DGKA: variants seen among roughly 807,000 people sequenced by gnomAD.
The protein encoded by DGKA is 80 kDa diacylglycerol kinase.
DGKA carries 35 observed loss-of-function variants against 105.0 expected under a neutral mutation model. The observed-to-expected ratio is 0.33, with a 90% CI of 0.25 to 0.44. The LOEUF (loss-of-function observed/expected upper bound fraction) is 0.44, where lower values mean the gene tolerates loss of function less well. Ranked by LOEUF, DGKA falls within the 20% of genes least tolerant of loss-of-function variation. The pLI is 1.00. For synonymous variants in DGKA, 296 were observed against 332.0 expected, an observed-to-expected ratio of 0.89 and a Z score of 1.18; for missense variants, 665 against 915.0, an observed-to-expected ratio of 0.73 and a Z score of 3.53.
rs1886122138 is a variant in DGKA at position 55,942,038 on chromosome 12, G to T, written c.1291G>T (p.Val431Leu). The change falls in exon 16 of 24, where the codon GTG (valine) becomes TTG (leucine). Residue 431 changes from valine to leucine, a missense_variant. Val to Leu is a conservative substitution (Grantham distance 32, BLOSUM62 1). Transcript: ENST00000331886. ...FKDVPDSRIL[V>L]CGGDGTVGWI... The stretch of plus-strand genomic sequence containing the variant: ...GGATGTTCCTGATAGCCGGATTTTG[G>T]TGTGTGGTGGAGACGGCACAGTAGG... 1 of 1,614,050 alleles carries T rather than the reference G, an allele frequency of 6.2e-7. No homozygotes were observed. Among genetic ancestry groups the T allele is most frequent in the African/African-American group, 1.3e-5 (1 of 74,900 alleles).
chr12:55,942,280 T>G lies in DGKA; in HGVS notation c.1426+17T>G. ...GGGGAGGAGGTAAGTGGTTAGAAAT[T>G]GTTTTGCTGTAGGCTGAGAGGAGTT... is the stretch of plus-strand genomic sequence containing the variant. On this transcript the variant is annotated intron_variant, in intron 17 of 23. Coordinates refer to ENST00000331886, the MANE Select transcript of DGKA (RefSeq NM_001345.5). The G allele has an allele frequency of 6.2e-7, 1 of 1,613,028 alleles. No individual in the cohort carries two copies. Among genetic ancestry groups the G allele is most frequent in the Non-Finnish European group, 8.5e-7 (1 of 1,179,028 alleles).
At chr12:55,946,713 C>T (rs1031644016) in intron 17 of DGKA, among the ~76,000 whole-genome samples, 1 of 152,154 alleles carries the variant, frequency 6.6e-6, no homozygotes, top group African/African-American at 2.4e-5. Context: ...TAGTATTCTG[C>T]CTACCACAAA....
chr12:55,928,043 G>A, upstream of DGKA: 1 of 496,446 alleles, frequency 2.0e-6, no homozygotes. Context: ...CACTCCATTT[G>A]TAGTCCTGCC....
intron 17 of DGKA, among the ~76,000 whole-genome samples, chr12:55,948,737 A>T (rs940724210): frequency 5.5e-5 from 8 of 145,800 alleles, no homozygotes; most frequent in African/African-American, 1.5e-4. Flanking sequence ...AAAATTACAC[A>T]AATGGGCTGG....
In DGKA at chr12:55,937,984, T is replaced by C; in HGVS notation, c.281T>C (p.Val94Ala). The change falls in exon 5 of 24, where the codon GTG (valine) becomes GCG (alanine). Residue 94 changes from valine (V) to alanine (A), a missense_variant. Transcript: ENST00000331886. ...LNETNVTKDVVCLNDVSCYFS... is the reference protein window; with the variant it reads ...LNETNVTKDVACLNDVSCYFS... ...TCTGCTTTTTTGTAACCAGATGTGG[T>C]GTGTCTCAATGATGTTTCCTGCTAC... 6.2e-7 allele frequency: 1 copy of C among 1,614,000 alleles called. No homozygotes were observed. The highest frequency in any genetic ancestry group is 8.5e-7 in the Non-Finnish European group (1 of 1,179,988).
chr12:55,927,499 C>T (rs1883217013), upstream of DGKA: 2 of 689,652 alleles, frequency 2.9e-6, no homozygotes, highest in Non-Finnish European at 2.5e-6. Context: ...AATATCCAGG[C>T]TCTGGCCTGC....
chr12:55,927,796 G>C (rs901587272), upstream of DGKA: 4 of 1,534,960 alleles, frequency 2.6e-6, no homozygotes, highest in African/African-American at 4.1e-5. Context: ...TGGGCGGGCG[G>C]CCCTGGCCTG....
intron 17 of DGKA, among the ~76,000 whole-genome samples, chr12:55,948,401 G>GAAA (rs747364724): frequency 8.1e-6 from 1 of 124,150 alleles, no homozygotes. Context: ...ACTCCATCTC[G>GAAA]AAAAAAAAAA....
At position 55,938,367 on chromosome 12, in the gene DGKA, T is replaced by C. The variant is rs1057194121; in HGVS notation, c.350-144T>C. On this transcript the variant is annotated intron_variant, in intron 5 of 23. Coordinates refer to ENST00000331886, the MANE Select transcript of DGKA (RefSeq NM_001345.5). ...GTCCATGCCTGTTTTCCTTTCCTTT[T>C]TGTCTCTCTCTCAGTCCCATCCCAG... 92 of 1,026,954 alleles carry C rather than the reference T, an allele frequency of 9.0e-5. No individual in the cohort carries two copies. In the African/African-American group the frequency reaches 1.4e-3, roughly 16 times the overall value. The allele number at this position is 1,026,954 out of a possible 1,614,324, so 63.6% of individuals were successfully genotyped here. A position where few individuals can be genotyped will look rare whatever the true frequency, so the allele number is the denominator to read the frequency against.
At chr12:55,927,715 G>A, upstream of DGKA, 2 of 1,539,674 alleles carry the variant, frequency 1.3e-6, no homozygotes, top group Non-Finnish European at 1.7e-6. Flanking sequence ...GGGCGCCGCG[G>A]GTCGGTCACC....
At chr12:55,939,111 T>C (rs775212733) in intron 7 of DGKA, 75 bp from the exon 8 acceptor site, 18 of 1,605,410 alleles carry the variant, frequency 1.1e-5, no homozygotes, top group Admixed American at 1.7e-5. Context: ...GGGCTGGATA[T>C]CCTAAGAGGC....
Position 55,949,021 on chromosome 12 carries a change from C to CA in DGKA, c.1427-2590dup, listed in dbSNP as rs879291270. Among the ~76,000 whole-genome samples the CA allele has an allele frequency of 3.4e-3, 466 of 135,574 alleles. 1 individual carries two copies. The highest frequency in any genetic ancestry group is 0.011 in the African/African-American group (388 of 36,820). The allele number at this position is 135,574 out of a possible 152,430, so 88.9% of individuals were successfully genotyped here. On this transcript the variant is annotated intron_variant, in intron 17 of 23. Transcript: ENST00000331886. ...TGGGCAACAGAGCCGGACTCCATCT[C>CA]AAAAAAAAAAAAGAAAAACTTACAT...
At chr12:55,942,655 G>T in intron 17 of DGKA, 1 of 241,546 alleles carries the variant, frequency 4.1e-6, no homozygotes, top group Non-Finnish European at 8.3e-6. Context: ...CAATTAACCA[G>T]GTAGTCATTA....
At chr12:55,929,188 T>A (rs185654186), upstream of DGKA, 2 of 152,378 alleles carry the variant, frequency 1.3e-5, no homozygotes, top group African/African-American at 4.8e-5. Flanking sequence ...TACACTGTTA[T>A]TGCAAGTGTT....
At chr12:55,934,611 A>G (rs1884286480) in intron 1 of DGKA, among the ~76,000 whole-genome samples, 2 of 152,216 alleles carry the variant, frequency 1.3e-5, no homozygotes, top group South Asian at 4.1e-4. Context: ...CTTACCCAAC[A>G]AGCCCTAAAT....
upstream of DGKA, among the ~76,000 whole-genome samples, chr12:55,928,699 A>C (rs1244649818): frequency 1.7e-3 from 260 of 150,068 alleles, 1 homozygote; most frequent in Middle Eastern, 3.4e-3. Flanking sequence ...AAAAAAAAAA[A>C]AAAAAAACTA....
chr12:55,940,238 A>T lies in DGKA; in HGVS notation c.798+68A>T, dbSNP rs1565741677. The T allele has an allele frequency of 2.5e-6, 4 of 1,613,976 alleles. No individual in the cohort carries two copies. On this transcript the variant is annotated intron_variant, in intron 10 of 23. Transcript: ENST00000331886. The surrounding 1 kb of genome is among the most constrained non-coding windows in gnomAD (Gnocchi z 4.3). Reference sequence around the variant, plus strand: ...TGGCCCTGGCCCTGGCCCTTGGCCCATTGCTGCCCTCAGCCCCTCCCTCCC... The same window carrying T: ...TGGCCCTGGCCCTGGCCCTTGGCCCTTTGCTGCCCTCAGCCCCTCCCTCCC...
Position 55,953,994 on chromosome 12 carries a change from G to T in DGKA, c.*226G>T. 1 of 639,958 alleles carries T rather than the reference G, an allele frequency of 1.6e-6. No homozygotes were observed. The highest frequency in any genetic ancestry group is 2.7e-6 in the Non-Finnish European group (1 of 377,124). The allele number at this position is 639,958 out of a possible 1,614,324, so 39.6% of individuals were successfully genotyped here. On this transcript the variant is annotated 3_prime_UTR_variant, in exon 24 of 24. Transcript: ENST00000331886. ...TGAAAGTGCCTCATCTGAATAAAAT[G>T]ACTTGTGTTTCCCCTTTGGGATCTG... is the stretch of plus-strand genomic sequence containing the variant.
chr12:55,937,305 T>G (rs1272245083), intron 3 of DGKA, 103 bp from the exon 4 acceptor site: 1 of 1,401,232 alleles, frequency 7.1e-7, no homozygotes, highest in Non-Finnish European at 9.9e-7. Flanking sequence ...CCTCAGATGC[T>G]TCTCAGCTCT....
Sources: allele counts gnomAD v4.1 joint callset (sites outside exome capture counted in the v4.1 genomes callset), GRCh38; gene constraint gnomAD v4.1.1; non-coding constraint Gnocchi (gnomAD v3.1); transcripts MANE v1.5; gene names NCBI Gene and HGNC (gene_info 2026-07-23, HGNC 2026-07-21).